The following PPP1R12A variants were observed in gnomAD, a reference collection of about 807,000 sequenced individuals.
PPP1R12A encodes protein phosphatase 1 regulatory subunit 12A.
In PPP1R12A, 19 loss-of-function variants were observed where a neutral mutation model predicts 139.6. The observed-to-expected ratio is 0.14, with a 90% CI of 0.09 to 0.20. PPP1R12A has a LOEUF of 0.20. Among genes scored for constraint, PPP1R12A ranks in the 10% least tolerant of loss-of-function variants. The pLI is 1.00. For synonymous variants in PPP1R12A, 427 were observed against 420.6 expected (o/e 1.02, Z -0.19); for missense variants, 925 against 1,211.5 (o/e 0.76, Z 3.51).
chr12:79,875,485 A>T (rs1883011264), intron 1 of PPP1R12A, among the ~76,000 whole-genome samples: 1 of 152,254 alleles, frequency 6.6e-6, no homozygotes, highest in Non-Finnish European at 1.5e-5. Flanking sequence ...AAAACCCAGT[A>T]AATGAACTAA....
intron 9 of PPP1R12A, among the ~76,000 whole-genome samples, chr12:79,812,603 T>C (rs972549223): frequency 1.3e-5 from 2 of 152,008 alleles, no homozygotes; most frequent in African/African-American, 4.8e-5. Context: ...CAGCTTATTC[T>C]CAAATGTGTT....
At chr12:79,894,834 C>T (rs1884988368) in intron 1 of PPP1R12A, among the ~76,000 whole-genome samples, 1 of 152,278 alleles carries the variant, frequency 6.6e-6, no homozygotes, top group Non-Finnish European at 1.5e-5. Context: ...AAACACCTAA[C>T]ACGCTTTTTG....
At chr12:79,926,828 C>T (rs1243062688) in intron 1 of PPP1R12A, among the ~76,000 whole-genome samples, 1 of 151,940 alleles carries the variant, frequency 6.6e-6, no homozygotes, top group African/African-American at 2.4e-5. Flanking sequence ...ATGAAGTTTC[C>T]TACAATTTGT....
rs762188425 is a variant in PPP1R12A at position 79,790,553 on chromosome 12, A to T, written c.2650-70T>A. 1.2e-5 allele frequency: 14 copies of T among 1,134,690 alleles called. No individual in the cohort carries two copies. The African/African-American group carries it at 2.2e-4, about 18-fold the overall frequency. The allele number at this position is 1,134,690 out of a possible 1,614,324, so 70.3% of individuals were successfully genotyped here. On this transcript the variant is annotated intron_variant, in intron 19 of 24. Transcript: ENST00000450142. ...TTCATTAAACTATTAACCTATGATT[A>T]TAAGTAAATTTAATGTAGTATCAAT...
At chr12:79,914,156 A>T (rs554672122) in intron 1 of PPP1R12A, among the ~76,000 whole-genome samples, 10 of 152,212 alleles carry the variant, frequency 6.6e-5, no homozygotes, top group African/African-American at 2.2e-4. Flanking sequence ...AATTTGGTAA[A>T]TACAGACAGC....
chr12:79,843,675 T>TA (rs1213234530), intron 3 of PPP1R12A, among the ~76,000 whole-genome samples: 2 of 144,512 alleles, frequency 1.4e-5, no homozygotes, highest in Non-Finnish European at 3.0e-5. Flanking sequence ...GATATAGATA[T>TA]ATGGTAAATT....
intron 2 of PPP1R12A, among the ~76,000 whole-genome samples, chr12:79,868,864 C>T (rs527682947): frequency 5.3e-5 from 8 of 152,150 alleles, no homozygotes; most frequent in Non-Finnish European, 1.0e-4. Flanking sequence ...TTAATGCATA[C>T]ATTTTAGTAC....
At chr12:79,921,330 C>T (rs975522852) in intron 1 of PPP1R12A, among the ~76,000 whole-genome samples, 1 of 151,958 alleles carries the variant, frequency 6.6e-6, no homozygotes, top group East Asian at 1.9e-4. Flanking sequence ...GTTGAAACTA[C>T]ATAAATAACA....
intron 1 of PPP1R12A, among the ~76,000 whole-genome samples, chr12:79,920,843 G>C (rs1887379880): frequency 6.6e-6 from 1 of 152,200 alleles, no homozygotes; most frequent in Non-Finnish European, 1.5e-5. Context: ...GGACTTCTTA[G>C]CCGCCATAGC....
At chr12:79,778,034 T>G (rs1869952096) in intron 24 of PPP1R12A, among the ~76,000 whole-genome samples, 1 of 152,148 alleles carries the variant, frequency 6.6e-6, no homozygotes, top group Non-Finnish European at 1.5e-5. Flanking sequence ...ATCAATTAAC[T>G]ATGCTACTTG....
At chr12:79,900,749 A>G (rs1885563974) in intron 1 of PPP1R12A, among the ~76,000 whole-genome samples, 1 of 152,182 alleles carries the variant, frequency 6.6e-6, no homozygotes, top group African/African-American at 2.4e-5. Flanking sequence ...GTCACCCCAG[A>G]TGTACCAAAA....
In PPP1R12A at chr12:79,797,381, A is replaced by C. The variant is rs763319148; in HGVS notation, c.2106T>G (p.Thr702=). The C allele has an allele frequency of 6.2e-7, 1 of 1,600,070 alleles. No homozygotes were observed. The highest frequency in any genetic ancestry group is 1.3e-5 in the African/African-American group (1 of 74,516). The part of the protein sequence containing the change: ...SRRSTQGVTL[T]DLQEAEKTIG... Reference sequence around the variant, plus strand: ...TTGTTTTCTCAGCTTCTTGAAGATCAGTTAATGTCACTCCCTGCACACACA... The same window carrying C: ...TTGTTTTCTCAGCTTCTTGAAGATCCGTTAATGTCACTCCCTGCACACACA... The change falls in exon 16 of 25, where the codon ACT becomes ACG. Residue 702 remains threonine (T), a synonymous_variant. Coordinates refer to ENST00000450142, the MANE Select transcript of PPP1R12A (RefSeq NM_002480.3).
In PPP1R12A at chr12:79,886,615, T is replaced by C. The variant is rs1198947514; in HGVS notation, c.238-13677A>G. Among the ~76,000 whole-genome samples the C allele has an allele frequency of 2.0e-5, 3 of 152,060 alleles. No homozygotes were observed. In the South Asian group the frequency reaches 6.2e-4, roughly 31 times the overall value. ...AGAGTAATTATAGAAGAACAGTGTC[T>C]GACAAAGAGAGATCACAATATATAT... On this transcript the variant is annotated intron_variant, in intron 1 of 24. Coordinates refer to ENST00000450142, the MANE Select transcript of PPP1R12A (RefSeq NM_002480.3).
chr12:79,781,750 A>C, intron 23 of PPP1R12A, 65 bp downstream of exon 23: 1 of 966,234 alleles, frequency 1.0e-6, no homozygotes, highest in Admixed American at 2.9e-5. Context: ...AAAAACAAAA[A>C]ACCTACCATT....
chr12:79,789,045 T>C (rs1871470539), intron 20 of PPP1R12A, among the ~76,000 whole-genome samples: 1 of 152,146 alleles, frequency 6.6e-6, no homozygotes, highest in Admixed American at 6.5e-5. Context: ...CAAGTGATTC[T>C]TCTACCTCAG....
intron 9 of PPP1R12A, among the ~76,000 whole-genome samples, chr12:79,811,821 C>T (rs1431288712): frequency 3.3e-5 from 5 of 152,024 alleles, no homozygotes; most frequent in African/African-American, 1.2e-4. Flanking sequence ...TTTGCCAACA[C>T]CCACATTAGG....
At chr12:79,816,348 A>C (rs1045688833) in intron 9 of PPP1R12A, among the ~76,000 whole-genome samples, 8 of 152,146 alleles carry the variant, frequency 5.3e-5, no homozygotes, top group Non-Finnish European at 1.2e-4. Flanking sequence ...TAGGAGATAC[A>C]TACTGACATA....
At chr12:79,776,706 C>A (rs1174425733) in intron 24 of PPP1R12A, among the ~76,000 whole-genome samples, 3 of 152,078 alleles carry the variant, frequency 2.0e-5, no homozygotes, top group Non-Finnish European at 4.4e-5. Flanking sequence ...CAACACATCT[C>A]AATTTTCTGT....
chr12:79,879,689 C>T (rs936609750), intron 1 of PPP1R12A, among the ~76,000 whole-genome samples: 1 of 152,044 alleles, frequency 6.6e-6, no homozygotes, highest in Non-Finnish European at 1.5e-5. Context: ...AGACTCAGAA[C>T]CAGGGTTAAA....
Sources: allele counts gnomAD v4.1 joint callset (sites outside exome capture counted in the v4.1 genomes callset), GRCh38; gene constraint gnomAD v4.1.1; transcripts MANE v1.5; gene names NCBI Gene and HGNC (gene_info 2026-07-23, HGNC 2026-07-21).